CWC27: variants seen among roughly 807,000 people sequenced by gnomAD.
CWC27 encodes spliceosome-associated protein CWC27 homolog.
Under a neutral mutation model 63.6 loss-of-function variants are expected in CWC27, and 47 were observed. The ratio of observed to expected loss-of-function variants is 0.74; its 90% CI spans 0.58 to 0.94. CWC27 has a LOEUF of 0.94. CWC27 is among the 40% of genes least tolerant of loss of function. CWC27 has a pLI of 0.00. For missense variants in CWC27, 495 were observed against 554.3 expected, an observed-to-expected ratio of 0.89 and a Z score of 1.07; for synonymous variants, 175 against 179.8, an observed-to-expected ratio of 0.97 and a Z score of 0.22.
Position 64,769,010 on chromosome 5 carries a change from C to A in CWC27, c.-137C>A. ...CAGGGGTAGTGTTTGGTGTCCCTGTCTTGCGTGATATTGACAAACTGAAGC... is the reference window on the plus strand; with the variant it reads ...CAGGGGTAGTGTTTGGTGTCCCTGTATTGCGTGATATTGACAAACTGAAGC... On this transcript the variant is annotated 5_prime_UTR_variant, in exon 1 of 14. Coordinates refer to ENST00000381070, the MANE Select transcript of CWC27 (RefSeq NM_005869.4). 1.4e-6 allele frequency: 1 copy of A among 724,278 alleles called. No homozygotes were observed. The allele number at this position is 724,278 out of a possible 1,614,324, so 44.9% of individuals were successfully genotyped here.
intron 7 of CWC27, among the ~76,000 whole-genome samples, chr5:64,798,501 T>C (rs1401897462): frequency 6.6e-6 from 1 of 152,182 alleles, no homozygotes; most frequent in Non-Finnish European, 1.5e-5. Context: ...TTTAAGTAAG[T>C]TTATGAAATT....
chr5:64,774,788 G>GAAAAT lies in CWC27; in HGVS notation c.139+1_139+2insAAAAT. 6.7e-7 allele frequency: 1 copy of GAAAAT among 1,487,282 alleles called. No individual in the cohort carries two copies. Among genetic ancestry groups the GAAAAT allele is most frequent in the Non-Finnish European group, 9.1e-7 (1 of 1,098,098 alleles). 92.1% of individuals were successfully genotyped at this position (1,487,282 alleles called of 1,614,324 possible). A position where few individuals can be genotyped will look rare whatever the true frequency, so the allele number is the denominator to read the frequency against. ...AATTTTATCCAACTTTGTTTGGAAG[G>GAAAAT]TATGTTGACTTTTATTCTACTGGAG... On this transcript the variant is annotated splice_donor_variant, in intron 2 of 13. Coordinates refer to ENST00000381070, the MANE Select transcript of CWC27 (RefSeq NM_005869.4). LOFTEE classifies it high-confidence loss of function.
At chr5:64,915,005 ATGATG>A (rs1384478503) in intron 11 of CWC27, among the ~76,000 whole-genome samples, 1 of 152,178 alleles carries the variant, frequency 6.6e-6, no homozygotes, top group Non-Finnish European at 1.5e-5. Flanking sequence ...AAGAATATAA[ATGATG>A]TGATTTCATT....
intron 11 of CWC27, among the ~76,000 whole-genome samples, chr5:64,886,629 A>T (rs1281823652): frequency 6.6e-6 from 1 of 152,142 alleles, no homozygotes; most frequent in Non-Finnish European, 1.5e-5. Flanking sequence ...AGCATGAGTA[A>T]TACCAGATAA....
chr5:64,986,552 C>T (rs266558), intron 13 of CWC27, among the ~76,000 whole-genome samples: 69,047 of 152,026 alleles, frequency 0.45, 15,857 homozygotes, highest in African/African-American at 0.49. Flanking sequence ...CTTCATAGAG[C>T]AAGTTAGAAA....
chr5:64,790,868 G>A (rs1026201616), intron 7 of CWC27, among the ~76,000 whole-genome samples: 1 of 152,170 alleles, frequency 6.6e-6, no homozygotes, highest in African/African-American at 2.4e-5. Flanking sequence ...AATAAAGAAA[G>A]TGAAACTCAG....
intron 10 of CWC27, among the ~76,000 whole-genome samples, chr5:64,813,337 A>G (rs1176511036): frequency 6.6e-6 from 1 of 152,188 alleles, no homozygotes; most frequent in Non-Finnish European, 1.5e-5. Flanking sequence ...GTGCCTATTC[A>G]GTTCATTGAG....
chr5:64,921,489 T>G (rs1313207113), intron 11 of CWC27, among the ~76,000 whole-genome samples: 1 of 152,130 alleles, frequency 6.6e-6, no homozygotes, highest in East Asian at 1.9e-4. Flanking sequence ...AATAACCCCT[T>G]CTCTTTTTTG....
rs910505074 is a variant in CWC27, at chr5:64,774,906, A to G, written c.139+119A>G. ...GTGGTCATGAATGACAGGTGTTGCT[A>G]TGAGGATATGGTATTGAGCTGGGTG... On this transcript the variant is annotated intron_variant, in intron 2 of 13. Coordinates refer to ENST00000381070, the MANE Select transcript of CWC27 (RefSeq NM_005869.4). The G allele has an allele frequency of 4.9e-5, 30 of 607,060 alleles. No homozygotes were observed. The East Asian group carries it at 7.9e-4, about 16-fold the overall frequency. The allele number at this position is 607,060 out of a possible 1,614,324, so 37.6% of individuals were successfully genotyped here.
At chr5:64,944,317 C>T (rs1172824716) in intron 11 of CWC27, among the ~76,000 whole-genome samples, 1 of 152,074 alleles carries the variant, frequency 6.6e-6, no homozygotes, top group Non-Finnish European at 1.5e-5. Context: ...CCTGTTTACT[C>T]TTAAATTTAC....
intron 11 of CWC27, among the ~76,000 whole-genome samples, 193 bp downstream of exon 11, chr5:64,885,739 T>TG (rs1427858737): frequency 1.1e-3 from 26 of 24,322 alleles, no homozygotes; most frequent in Middle Eastern, 0.038. Flanking sequence ...GTGTGTGTGT[T>TG]TTTAATACTT....
chr5:64,918,344 C>T (rs1033125777), intron 11 of CWC27, among the ~76,000 whole-genome samples: 1 of 152,018 alleles, frequency 6.6e-6, no homozygotes, highest in Non-Finnish European at 1.5e-5. Flanking sequence ...AGTTGAAGAG[C>T]TCTATTATAC....
At chr5:64,862,058 G>A (rs1410239787) in intron 10 of CWC27, among the ~76,000 whole-genome samples, 1 of 152,218 alleles carries the variant, frequency 6.6e-6, no homozygotes, top group Non-Finnish European at 1.5e-5. Flanking sequence ...TATGTAAATA[G>A]TATATTGCTT....
chr5:64,936,980 T>C (rs1748367495), intron 11 of CWC27, among the ~76,000 whole-genome samples: 1 of 152,188 alleles, frequency 6.6e-6, no homozygotes, highest in African/African-American at 2.4e-5. Flanking sequence ...TCTATTTGAT[T>C]CTTCTCTTTT....
At chr5:64,958,770 G>C (rs1036490319) in intron 11 of CWC27, among the ~76,000 whole-genome samples, 1 of 152,024 alleles carries the variant, frequency 6.6e-6, no homozygotes, top group Non-Finnish European at 1.5e-5. Context: ...ATTTTATTTT[G>C]AGAATTATTT....
rs550034826 is a variant in CWC27 at position 64,863,965 on chromosome 5, G to A, written c.939-21478G>A. ...AGTTGCAAAATAATTATTTTCTGTC[G>A]TTCCATTTATATTTATTATCTTGCA... On this transcript the variant is annotated intron_variant, in intron 10 of 13. Coordinates refer to ENST00000381070, the MANE Select transcript of CWC27 (RefSeq NM_005869.4). Among the ~76,000 whole-genome samples the A allele has an allele frequency of 1.3e-4, 20 of 152,118 alleles. No homozygotes were observed. The South Asian group carries it at 2.5e-3, about 19-fold the overall frequency.
intron 10 of CWC27, among the ~76,000 whole-genome samples, chr5:64,839,293 C>T (rs1745742097): frequency 6.6e-6 from 1 of 152,036 alleles, no homozygotes; most frequent in Non-Finnish European, 1.5e-5. Context: ...ATTGTGATGG[C>T]CGTGTGAAGC....
At chr5:64,796,226 G>A (rs1744261054) in intron 7 of CWC27, among the ~76,000 whole-genome samples, 1 of 152,086 alleles carries the variant, frequency 6.6e-6, no homozygotes, top group Non-Finnish European at 1.5e-5. Context: ...CAGAGAAACA[G>A]AAGCAGCCAA....
chr5:65,006,144 CTA>C lies in CWC27; in HGVS notation c.1257-12013_1257-12012del, dbSNP rs544666213. 1.9e-3 allele frequency among the ~76,000 whole-genome samples: 283 copies of C among 152,266 alleles called. 13 individuals carry two copies. The South Asian group carries it at 0.057, about 31-fold the overall frequency. ...AGCATAGTCAACAATTATCCAGACACTATTTTGTTCTTTGTTTTTCAATAGCT... is the reference window on the plus strand; with the variant it reads ...AGCATAGTCAACAATTATCCAGACACTTTTGTTCTTTGTTTTTCAATAGCT... On this transcript the variant is annotated intron_variant, in intron 13 of 13. Transcript: ENST00000381070.
Sources: allele counts gnomAD v4.1 joint callset (sites outside exome capture counted in the v4.1 genomes callset), GRCh38; gene constraint gnomAD v4.1.1; transcripts MANE v1.5; gene names NCBI Gene and HGNC (gene_info 2026-07-23, HGNC 2026-07-21).